FAM110B: variants seen among roughly 807,000 people sequenced by gnomAD.
FAM110B encodes the protein protein FAM110B.
Under a neutral mutation model 20.4 loss-of-function variants are expected in FAM110B, and 6 were observed. The observed-to-expected ratio is 0.29, with a 90% CI of 0.16 to 0.58. The LOEUF is 0.58. Among genes scored for constraint, FAM110B ranks in the 20% least tolerant of loss-of-function variants. FAM110B has a pLI of 0.90. For synonymous variants in FAM110B, 226 were observed against 214.1 expected (o/e 1.06, Z -0.49); for missense variants, 434 against 498.2 (o/e 0.87, Z 1.23).
chr8:58,067,155 C>T (rs1363112399), intron 2 of FAM110B, among the ~76,000 whole-genome samples: 4 of 152,162 alleles, frequency 2.6e-5, no homozygotes, highest in African/African-American at 9.7e-5. Context: ...TGTAACAATT[C>T]TATGTGAAAA....
At chr8:58,110,063 C>A (rs1274751798) in intron 3 of FAM110B, among the ~76,000 whole-genome samples, 1 of 152,176 alleles carries the variant, frequency 6.6e-6, no homozygotes, top group Non-Finnish European at 1.5e-5. Context: ...ATATGGGACA[C>A]CACAAAGGCC....
At chr8:58,047,625 T>TCTCTCTCTCTCTCTCTCC (rs1805354865) in intron 2 of FAM110B, among the ~76,000 whole-genome samples, 1 of 150,188 alleles carries the variant, frequency 6.7e-6, no homozygotes. Flanking sequence ...TCTCTCTCTC[T>TCTCTCTCTCTCTCTCTCC]CTCTCTCTCT....
chr8:58,125,184 C>T (rs1041596591), intron 3 of FAM110B, among the ~76,000 whole-genome samples: 2 of 152,010 alleles, frequency 1.3e-5, no homozygotes, highest in African/African-American at 4.8e-5. Context: ...CCCTTCTCCA[C>T]AAAAAATATA....
chr8:58,104,839 AACCAGAAGTCC>A (rs1806869711), intron 3 of FAM110B, among the ~76,000 whole-genome samples: 1 of 152,228 alleles, frequency 6.6e-6, no homozygotes, highest in African/African-American at 2.4e-5. Flanking sequence ...TAATGGAGAA[AACCAGAAGTCC>A]ACCTTCTCTT....
chr8:58,136,245 C>T (rs558662624), intron 3 of FAM110B, among the ~76,000 whole-genome samples: 10 of 152,108 alleles, frequency 6.6e-5, no homozygotes, highest in East Asian at 3.9e-4. Context: ...CTCCTGACCT[C>T]GTGATCTGCC....
chr8:58,024,602 G>A (rs1289562231), intron 1 of FAM110B, among the ~76,000 whole-genome samples: 1 of 152,184 alleles, frequency 6.6e-6, no homozygotes, highest in African/African-American at 2.4e-5. Context: ...ATAGTGGCCA[G>A]GACTTAACAC....
chr8:58,106,992 T>C (rs1806933897), intron 3 of FAM110B, among the ~76,000 whole-genome samples: 1 of 152,192 alleles, frequency 6.6e-6, no homozygotes, highest in Non-Finnish European at 1.5e-5. Flanking sequence ...ATTTTTGCCG[T>C]TGATTATTAA....
At chr8:58,067,755 T>C (rs1426390890) in intron 2 of FAM110B, among the ~76,000 whole-genome samples, 1 of 152,218 alleles carries the variant, frequency 6.6e-6, no homozygotes, top group Admixed American at 6.5e-5. Context: ...TCCTTACACA[T>C]AGTAAGGGCC....
intron 1 of FAM110B, among the ~76,000 whole-genome samples, chr8:58,018,339 T>C (rs866350313): frequency 2.4e-4 from 37 of 152,328 alleles, no homozygotes; most frequent in African/African-American, 7.5e-4. Flanking sequence ...GATCATTATG[T>C]AATGCCTTTT....
At chr8:58,119,149 T>A (rs1021288275) in intron 3 of FAM110B, among the ~76,000 whole-genome samples, 3 of 152,228 alleles carry the variant, frequency 2.0e-5, no homozygotes, top group African/African-American at 7.2e-5. Context: ...GTGCATGCCC[T>A]CCCTTTTCTC....
chr8:58,076,351 A>G (rs1053986388), intron 3 of FAM110B, among the ~76,000 whole-genome samples: 6 of 152,166 alleles, frequency 3.9e-5, no homozygotes, highest in Admixed American at 3.3e-4. Context: ...AGATCTTTGC[A>G]GGCTGGCCCC....
chr8:58,127,861 G>C (rs954007823), intron 3 of FAM110B, among the ~76,000 whole-genome samples: 1 of 152,208 alleles, frequency 6.6e-6, no homozygotes, highest in African/African-American at 2.4e-5. Flanking sequence ...TCAACCTAGT[G>C]AAGATGTCAG....
At chr8:58,005,981 T>G (rs1804394326) in intron 1 of FAM110B, among the ~76,000 whole-genome samples, 1 of 152,098 alleles carries the variant, frequency 6.6e-6, no homozygotes, top group Non-Finnish European at 1.5e-5. Context: ...TCTTTATCAT[T>G]TTTTTTTCAG....
intron 3 of FAM110B, among the ~76,000 whole-genome samples, chr8:58,107,019 T>G (rs1806935618): frequency 6.6e-6 from 1 of 152,224 alleles, no homozygotes; most frequent in Non-Finnish European, 1.5e-5. Context: ...ATTGCATGGT[T>G]TTGGGTTATA....
intron 2 of FAM110B, among the ~76,000 whole-genome samples, chr8:58,037,836 T>C (rs1805117473): frequency 6.6e-6 from 1 of 152,170 alleles, no homozygotes; most frequent in African/African-American, 2.4e-5. Context: ...CTTTTCTCTC[T>C]TTCTCTTTGT....
At chr8:58,083,018 A>G (rs1806238660) in intron 3 of FAM110B, among the ~76,000 whole-genome samples, 1 of 151,888 alleles carries the variant, frequency 6.6e-6, no homozygotes, top group Non-Finnish European at 1.5e-5. Context: ...TTCTTAAAAA[A>G]AAAAAAAAAA....
intron 2 of FAM110B, among the ~76,000 whole-genome samples, chr8:58,040,132 C>T (rs1399948068): frequency 6.6e-6 from 1 of 152,008 alleles, no homozygotes; most frequent in Non-Finnish European, 1.5e-5. Context: ...AATTGGTCAG[C>T]GCTTCTTCGA....
At chr8:58,083,797 C>G (rs866878365) in intron 3 of FAM110B, among the ~76,000 whole-genome samples, 1 of 152,158 alleles carries the variant, frequency 6.6e-6, no homozygotes, top group Non-Finnish European at 1.5e-5. Flanking sequence ...GATTAAGAAC[C>G]TTTCCCACCT....
chr8:58,105,482 A>G (rs905309729), intron 3 of FAM110B, among the ~76,000 whole-genome samples: 3 of 151,416 alleles, frequency 2.0e-5, no homozygotes, highest in Non-Finnish European at 4.4e-5. Flanking sequence ...GCATTGAGCC[A>G]TGATCACACC....
Sources: allele counts gnomAD v4.1 joint callset (sites outside exome capture counted in the v4.1 genomes callset), GRCh38; gene constraint gnomAD v4.1.1; transcripts MANE v1.5; gene names NCBI Gene and HGNC (gene_info 2026-07-23, HGNC 2026-07-21).